The following COL4A1 variants were observed in gnomAD, a reference collection of about 807,000 sequenced individuals.
COL4A1 encodes collagen type IV alpha 1 chain.
Under a neutral mutation model 216.6 loss-of-function variants are expected in COL4A1, and 40 were observed. The ratio of observed to expected loss-of-function variants is 0.18; its 90% CI spans 0.14 to 0.24. COL4A1 has a LOEUF of 0.24. Ranked by LOEUF, COL4A1 falls within the 10% of genes least tolerant of loss-of-function variation. COL4A1 has a pLI of 1.00. For missense variants in COL4A1, 1,628 were observed against 2,196.8 expected, an observed-to-expected ratio of 0.74 and a Z score of 5.18; for synonymous variants, 839 against 810.7, an observed-to-expected ratio of 1.03 and a Z score of -0.59.
intron 40 of COL4A1, among the ~76,000 whole-genome samples, chr13:110,173,182 G>A (rs181473522): frequency 7.4e-4 from 113 of 152,308 alleles, no homozygotes; most frequent in African/African-American, 2.7e-3. Flanking sequence ...CAAAGGGCTT[G>A]AGGGAAGATT....
chr13:110,307,070 GGGGGCCGCGGCGGACAGC>G lies in COL4A1; in HGVS notation c.-61_-44del. 1 of 1,389,678 alleles carries G rather than the reference GGGGGCCGCGGCGGACAGC, an allele frequency of 7.2e-7. No individual in the cohort carries two copies. The highest frequency in any genetic ancestry group is 9.4e-7 in the Non-Finnish European group (1 of 1,066,552). The allele number at this position is 1,389,678 out of a possible 1,614,324, so 86.1% of individuals were successfully genotyped here. A position where few individuals can be genotyped will look rare whatever the true frequency, so the allele number is the denominator to read the frequency against. On this transcript the variant is annotated 5_prime_UTR_variant, in exon 1 of 52. Coordinates refer to ENST00000375820, the MANE Select transcript of COL4A1 (RefSeq NM_001845.6). This position sits in a 1 kb window ranked among gnomAD's most constrained non-coding sequence, Gnocchi z 5.0. ...GGCGAGGGACGGCTGCCCGGCGTGC[GGGGGCCGCGGCGGACAGC>G]TAGCTCTCGGAAGGCCGGACTTCCA...
intron 50 of COL4A1, among the ~76,000 whole-genome samples, chr13:110,152,973 T>A (rs1244511028): frequency 6.6e-6 from 1 of 152,006 alleles, no homozygotes; most frequent in African/African-American, 2.4e-5. Flanking sequence ...AATCATTCAA[T>A]TTTTTTTCTT....
chr13:110,253,195 T>C (rs1343745806), intron 1 of COL4A1, among the ~76,000 whole-genome samples: 1 of 142,930 alleles, frequency 7.0e-6, no homozygotes, highest in Non-Finnish European at 1.5e-5. Context: ...GTATTATATA[T>C]ACATATAACT....
chr13:110,219,722 ATGTG>A (rs1343731000), intron 2 of COL4A1, among the ~76,000 whole-genome samples: 7 of 131,188 alleles, frequency 5.3e-5, no homozygotes, highest in Non-Finnish European at 7.9e-5. Flanking sequence ...GTGTATATAT[ATGTG>A]TGTATATATA....
chr13:110,215,274 G>T (rs1880011157), intron 2 of COL4A1, among the ~76,000 whole-genome samples: 1 of 66,600 alleles, frequency 1.5e-5, no homozygotes, highest in African/African-American at 7.7e-5. Context: ...GTATTTTTTG[G>T]GCTGGGTGCG....
chr13:110,280,994 C>T (rs1883611252), intron 1 of COL4A1, among the ~76,000 whole-genome samples: 1 of 152,150 alleles, frequency 6.6e-6, no homozygotes, highest in African/African-American at 2.4e-5. Context: ...TAAAATATGG[C>T]TTTTCTCCTC....
chr13:110,204,284 A>G (rs1879386592), intron 17 of COL4A1, among the ~76,000 whole-genome samples: 1 of 152,238 alleles, frequency 6.6e-6, no homozygotes, highest in African/African-American at 2.4e-5. Context: ...TTAAGGCAGT[A>G]AACAAGAATT....
intron 2 of COL4A1, among the ~76,000 whole-genome samples, chr13:110,234,646 C>G (rs1881223482): frequency 1.3e-5 from 2 of 152,132 alleles, no homozygotes; most frequent in Admixed American, 1.3e-4. Context: ...TATGACGCAG[C>G]ACCCACGGAA....
At position 110,152,323 on chromosome 13, in the gene COL4A1, C is replaced by T. The variant is rs1876537924; in HGVS notation, c.4928+11G>A. 6.2e-7 allele frequency: 1 copy of T among 1,613,912 alleles called. No individual in the cohort carries two copies. The highest frequency in any genetic ancestry group is 1.3e-5 in the African/African-American group (1 of 74,922). ...GCCAGCAGCCTGCAAAAAAGCAGTG[C>T]TCCCACTTACTTGAACATCTCGCTC... On this transcript the variant is annotated intron_variant, in intron 51 of 51. Coordinates refer to ENST00000375820, the MANE Select transcript of COL4A1 (RefSeq NM_001845.6).
chr13:110,307,039 C>A lies in COL4A1; in HGVS notation c.-12G>T, dbSNP rs567808351. On this transcript the variant is annotated 5_prime_UTR_variant, in exon 1 of 52. Transcript: ENST00000375820. The surrounding 1 kb of genome is among the most constrained non-coding windows in gnomAD (Gnocchi z 5.0). ...AGCCGGGGCCCCATGGTGGCGCGCCCGAGGCGGCGAGGGACGGCTGCCCGG... is the reference window on the plus strand; with the variant it reads ...AGCCGGGGCCCCATGGTGGCGCGCCAGAGGCGGCGAGGGACGGCTGCCCGG... 4.8e-6 allele frequency: 7 copies of A among 1,455,996 alleles called. No homozygotes were observed. Among genetic ancestry groups the A allele is most frequent in the Non-Finnish European group, 6.3e-6 (7 of 1,108,760 alleles). The allele number at this position is 1,455,996 out of a possible 1,614,324, so 90.2% of individuals were successfully genotyped here.
chr13:110,161,089 A>C, intron 49 of COL4A1, 103 bp downstream of exon 49: 1 of 1,176,210 alleles, frequency 8.5e-7, no homozygotes, highest in Non-Finnish European at 1.3e-6. Context: ...GCTAAATGGC[A>C]ATGGATTCAA....
intron 12 of COL4A1, among the ~76,000 whole-genome samples, chr13:110,208,347 G>A (rs992178703): frequency 3.3e-5 from 5 of 152,142 alleles, no homozygotes; most frequent in Non-Finnish European, 1.5e-5. Context: ...GGCCGGTGGT[G>A]CGGGGCCACT....
Position 110,162,638 on chromosome 13 carries a change from AC to A in COL4A1, c.4250-197del, listed in dbSNP as rs372901089. On this transcript the variant is annotated intron_variant, in intron 47 of 51. Transcript: ENST00000375820. Reference sequence around the variant, plus strand: ...AGCCTACCTCCTTCATGGTGTCTTAACTTTTTCTTTTTACCTGCCACCTCAA... The same window carrying A: ...AGCCTACCTCCTTCATGGTGTCTTAATTTTTCTTTTTACCTGCCACCTCAA... Among the ~76,000 whole-genome samples, 19 of 152,180 alleles carry A rather than the reference AC, an allele frequency of 1.2e-4. No individual in the cohort carries two copies. In the East Asian group the frequency reaches 2.3e-3, roughly 19 times the overall value.
At chr13:110,300,386 G>A (rs925967067) in intron 1 of COL4A1, among the ~76,000 whole-genome samples, 1 of 152,200 alleles carries the variant, frequency 6.6e-6, no homozygotes, top group Admixed American at 6.5e-5. Flanking sequence ...AAAGTTTGTG[G>A]AAATAGCTTT....
At position 110,187,233 on chromosome 13, in the gene COL4A1, C is replaced by A; in HGVS notation, c.1633G>T (p.Asp545Tyr). The A allele has an allele frequency of 6.2e-7, 1 of 1,613,900 alleles. No individual in the cohort carries two copies. The highest frequency in any genetic ancestry group is 2.2e-5 in the East Asian group (1 of 44,860). Reference sequence around the variant, plus strand: ...CCGGGCTGTCCTGGAAAGCCTGGGTCTCCTTTGTCACCTTTGAGCCGCAAG... The same window carrying A: ...CCGGGCTGTCCTGGAAAGCCTGGGTATCCTTTGTCACCTTTGAGCCGCAAG... Reference protein sequence around the residue: ...FDLRLKGDKGDPGFPGQPGMP... With the variant: ...FDLRLKGDKGYPGFPGQPGMP... Residue 545 changes from aspartate to tyrosine, a missense_variant, in exon 25 of 52, where the codon GAC becomes TAC. Transcript: ENST00000375820.
chr13:110,193,695 T>C (rs1307857849), intron 22 of COL4A1, among the ~76,000 whole-genome samples: 1 of 152,226 alleles, frequency 6.6e-6, no homozygotes, highest in African/African-American at 2.4e-5. Flanking sequence ...TATTGCCCAC[T>C]CTGCCCTGGG....
At chr13:110,253,564 A>G (rs1249714309) in intron 1 of COL4A1, among the ~76,000 whole-genome samples, 1 of 142,910 alleles carries the variant, frequency 7.0e-6, no homozygotes, top group Non-Finnish European at 1.5e-5. Flanking sequence ...ATATAATTAT[A>G]CGTATGTATG....
In COL4A1 at chr13:110,261,035, T is replaced by TAAAAAAAAAAAAAAAAAAA. The variant is rs1303970828; in HGVS notation, c.85-18302_85-18301insTTTTTTTTTTTTTTTTTTT. ...CTGGGTGACAGAGCGAGACTCCGTC[T>TAAAAAAAAAAAAAAAAAAA]CAAAAAAAAAAAAAAAAAAGGCCAA... is the stretch of plus-strand genomic sequence containing the variant. On this transcript the variant is annotated intron_variant, in intron 1 of 51. Coordinates refer to ENST00000375820, the MANE Select transcript of COL4A1 (RefSeq NM_001845.6). 1.7e-4 allele frequency among the ~76,000 whole-genome samples: 7 copies of TAAAAAAAAAAAAAAAAAAA among 42,180 alleles called. 1 individual carries two copies. The highest frequency in any genetic ancestry group is 5.9e-4 in the African/African-American group (7 of 11,916). 27.7% of individuals were successfully genotyped at this position (42,180 alleles called of 152,430 possible).
At chr13:110,269,116 T>G (rs1036070563) in intron 1 of COL4A1, among the ~76,000 whole-genome samples, 3 of 152,146 alleles carry the variant, frequency 2.0e-5, no homozygotes, top group African/African-American at 7.2e-5. Flanking sequence ...ATAACCTATT[T>G]CAGTAAAGAC....
Sources: gnomAD v4.1 joint callset for allele counts (sites outside exome capture counted in the v4.1 genomes callset) on GRCh38, gnomAD v4.1.1 for gene constraint, Gnocchi (gnomAD v3.1) non-coding constraint, MANE v1.5 for transcripts, NCBI Gene and HGNC (gene_info 2026-07-23, HGNC 2026-07-21) for gene names.